Variants in BLK observed in about 807,000 individuals in gnomAD.
BLK encodes the protein tyrosine-protein kinase Blk.
BLK carries 64 observed loss-of-function variants against 61.8 expected under a neutral mutation model. The ratio of observed to expected loss-of-function variants is 1.03; its 90% CI spans 0.85 to 1.27. The LOEUF is 1.27. Among genes scored for constraint, BLK ranks in the 50% most tolerant of loss-of-function variants. BLK has a pLI of 0.00. For missense variants in BLK, 853 were observed against 660.5 expected (o/e 1.29, Z -3.19); for synonymous variants, 351 against 272.0 (o/e 1.29, Z -2.86).
chr8:11,545,652 A>G (rs1184638621), intron 2 of BLK: 2 of 303,106 alleles, frequency 6.6e-6, no homozygotes, highest in African/African-American at 4.3e-5. Context: ...TACAGGATAT[A>G]TACCTACAAA....
At chr8:11,539,359 A>C (rs1800272475) in intron 1 of BLK, among the ~76,000 whole-genome samples, 1 of 152,080 alleles carries the variant, frequency 6.6e-6, no homozygotes, top group Non-Finnish European at 1.5e-5. Context: ...TTTTTTTAGT[A>C]GTTGTATGAG....
At chr8:11,497,359 G>A (rs1351205923) in intron 1 of BLK, among the ~76,000 whole-genome samples, 1 of 152,096 alleles carries the variant, frequency 6.6e-6, no homozygotes, top group Non-Finnish European at 1.5e-5. Flanking sequence ...CTGCTTGCCT[G>A]AATCCCTTCC....
At chr8:11,522,673 A>G (rs1317340454) in intron 1 of BLK, among the ~76,000 whole-genome samples, 1 of 150,786 alleles carries the variant, frequency 6.6e-6, no homozygotes, top group Non-Finnish European at 1.5e-5. Flanking sequence ...AAAAGGATAC[A>G]GTAAAAAAAA....
chr8:11,539,550 G>C (rs1189118103), intron 1 of BLK, among the ~76,000 whole-genome samples: 1 of 152,168 alleles, frequency 6.6e-6, no homozygotes, highest in Non-Finnish European at 1.5e-5. Context: ...AGATAGTCCA[G>C]AGTGGGACTG....
intron 1 of BLK, among the ~76,000 whole-genome samples, chr8:11,541,352 G>T (rs1350425683): frequency 6.6e-6 from 1 of 152,128 alleles, no homozygotes; most frequent in African/African-American, 2.4e-5. Context: ...TTCCAGGAAT[G>T]TACAGATGTT....
intron 1 of BLK, chr8:11,509,629 C>T (rs1798921038): frequency 6.6e-6 from 1 of 152,162 alleles, no homozygotes; most frequent in African/African-American, 2.4e-5. Context: ...CCTTTTCAGC[C>T]TAATCACCAG....
At chr8:11,516,952 G>C (rs1163378245) in intron 1 of BLK, among the ~76,000 whole-genome samples, 1 of 152,222 alleles carries the variant, frequency 6.6e-6, no homozygotes, top group Non-Finnish European at 1.5e-5. Flanking sequence ...AACTGGCATT[G>C]CTGGATCATA....
intron 8 of BLK, 140 bp from the exon 9 acceptor site, chr8:11,556,518 A>T: frequency 9.8e-7 from 1 of 1,023,384 alleles, no homozygotes; most frequent in South Asian, 1.3e-5. Flanking sequence ...CCACACAACC[A>T]TGGCCTCCGG....
At chr8:11,542,855 T>G (rs1800447625) in intron 1 of BLK, among the ~76,000 whole-genome samples, 1 of 152,120 alleles carries the variant, frequency 6.6e-6, no homozygotes, top group Middle Eastern at 3.2e-3. Context: ...AGAGACAAAA[T>G]GAAAACTAAA....
At position 11,494,546 on chromosome 8, in the gene BLK, CAG is replaced by C. The variant is rs1798293845; in HGVS notation, c.-46_-45del. ...GGAGCCTGCTCCACTGTAAGGGTGT[CAG>C]GATCTGAAGAGCTATGGTGAAACAC... On this transcript the variant is annotated 5_prime_UTR_variant, in exon 1 of 13. An upstream open reading frame in the 5' UTR loses its in-frame stop. Coordinates refer to ENST00000259089, the MANE Select transcript of BLK (RefSeq NM_001715.3). The C allele has an allele frequency of 6.6e-6, 1 of 152,222 alleles. No individual in the cohort carries two copies. The highest frequency in any genetic ancestry group is 2.1e-4 in the South Asian group (1 of 4,828). 9.4% of individuals were successfully genotyped at this position (152,222 alleles called of 1,614,324 possible).
intron 9 of BLK, among the ~76,000 whole-genome samples, chr8:11,557,510 G>C (rs1016136929): frequency 2.6e-5 from 4 of 152,194 alleles, no homozygotes; most frequent in African/African-American, 9.7e-5. Flanking sequence ...TTTGTCCCCT[G>C]CACCAAACCT....
chr8:11,531,694 T>C (rs1388166374), intron 1 of BLK, among the ~76,000 whole-genome samples: 1 of 152,196 alleles, frequency 6.6e-6, no homozygotes, highest in East Asian at 1.9e-4. Context: ...ACGTGTCTTC[T>C]GACTGCGTGC....
At chr8:11,563,773 A>G (rs1389764717) in intron 12 of BLK, 130 bp from the exon 13 acceptor site, 3 of 851,550 alleles carry the variant, frequency 3.5e-6, no homozygotes, top group South Asian at 1.7e-5. Flanking sequence ...ACGAGGCTGG[A>G]GAAGTGGTCT....
intron 1 of BLK, among the ~76,000 whole-genome samples, chr8:11,523,921 C>T (rs2117344270): frequency 6.6e-6 from 1 of 151,558 alleles, no homozygotes; most frequent in Non-Finnish European, 1.5e-5. Context: ...GAATGTAAAC[C>T]AGTCTTACCT....
At chr8:11,556,574 G>A (rs1202127069) in intron 8 of BLK, 84 bp from the exon 9 acceptor site, 2 of 1,550,072 alleles carry the variant, frequency 1.3e-6, no homozygotes, top group South Asian at 1.1e-5. Flanking sequence ...TGGCACCTGG[G>A]CACTTACCCC....
In BLK at chr8:11,564,580, A is replaced by G. The variant is rs1179729917; in HGVS notation, c.*472A>G. ...TCCAGCACTGCGGGGCTTTTCTGCAATAAAGTCACGAGCGTTCGAGCTGTT... is the reference window on the plus strand; with the variant it reads ...TCCAGCACTGCGGGGCTTTTCTGCAGTAAAGTCACGAGCGTTCGAGCTGTT... On this transcript the variant is annotated 3_prime_UTR_variant, in exon 13 of 13. Coordinates refer to ENST00000259089, the MANE Select transcript of BLK (RefSeq NM_001715.3). 1.2e-5 allele frequency: 5 copies of G among 426,748 alleles called. No individual in the cohort carries two copies. The highest frequency in any genetic ancestry group is 1.7e-5 in the South Asian group (1 of 59,712). 26.4% of individuals were successfully genotyped at this position (426,748 alleles called of 1,614,324 possible).
intron 8 of BLK, 50 bp downstream of exon 8, chr8:11,555,534 C>T (rs746358606): frequency 3.0e-5 from 48 of 1,612,324 alleles, no homozygotes; most frequent in South Asian, 2.1e-4. Context: ...CCACCTGCGC[C>T]GCATCCTGAG....
chr8:11,527,482 T>G (rs1799704019), intron 1 of BLK, among the ~76,000 whole-genome samples: 1 of 152,012 alleles, frequency 6.6e-6, no homozygotes, highest in African/African-American at 2.4e-5. Flanking sequence ...TTCTTTTTTT[T>G]TTTTTAGTGG....
At chr8:11,505,202 T>C (rs539744673) in intron 1 of BLK, among the ~76,000 whole-genome samples, 2 of 152,340 alleles carry the variant, frequency 1.3e-5, no homozygotes, top group South Asian at 2.1e-4. Flanking sequence ...ACAAATAAAT[T>C]CTGTGCCATA....
Sources: gnomAD v4.1 joint callset for allele counts (sites outside exome capture counted in the v4.1 genomes callset) on GRCh38, gnomAD v4.1.1 for gene constraint, MANE v1.5 for transcripts, NCBI Gene and HGNC (gene_info 2026-07-23, HGNC 2026-07-21) for gene names.